Variants in OSBPL6 observed in about 807,000 individuals in gnomAD.
OSBPL6 encodes the protein oxysterol binding protein like 6.
OSBPL6 carries 49 observed loss-of-function variants against 125.8 expected under a neutral mutation model. That is an observed-to-expected ratio of 0.39 (90% confidence interval 0.31 to 0.49). The LOEUF (loss-of-function observed/expected upper bound fraction) is 0.49. Among genes scored for constraint, OSBPL6 ranks in the 20% least tolerant of loss-of-function variants. The pLI, the probability that OSBPL6 is intolerant of heterozygous loss-of-function variation, is 0.88. For missense variants in OSBPL6, 986 were observed against 1,135.4 expected, an observed-to-expected ratio of 0.87 and a Z score of 1.89; for synonymous variants, 394 against 391.8, an observed-to-expected ratio of 1.01 and a Z score of -0.07.
At chr2:178,209,354 T>C (rs1372149519) in intron 1 of OSBPL6, among the ~76,000 whole-genome samples, 1 of 152,036 alleles carries the variant, frequency 6.6e-6, no homozygotes, top group Non-Finnish European at 1.5e-5. Flanking sequence ...CCTTTTCCTC[T>C]TTTTATTTTC....
At position 178,399,332 on chromosome 2, in the gene OSBPL6, G is replaced by A. The variant is rs1052901519; in HGVS notation, c.*3773G>A. On this transcript the variant is annotated 3_prime_UTR_variant, in exon 25 of 25. Coordinates refer to ENST00000190611, the MANE Select transcript of OSBPL6 (RefSeq NM_032523.4). ...TCCAAAGTAGGATTCGGTCCTGTAA[G>A]TCCTAACTGAATTTCTTTTGTAAAA... 6.6e-6 allele frequency: 1 copy of A among 152,144 alleles called. No individual in the cohort carries two copies. The highest frequency in any genetic ancestry group is 2.4e-5 in the African/African-American group (1 of 41,428). 9.4% of individuals were successfully genotyped at this position (152,144 alleles called of 1,614,324 possible).
At chr2:178,283,767 C>G (rs1168606876) in intron 1 of OSBPL6, among the ~76,000 whole-genome samples, 1 of 152,106 alleles carries the variant, frequency 6.6e-6, no homozygotes, top group Non-Finnish European at 1.5e-5. Context: ...TGCTTCCATT[C>G]GTGGCAGAAG....
intron 1 of OSBPL6, among the ~76,000 whole-genome samples, chr2:178,204,126 C>T (rs1338613333): frequency 2.0e-5 from 3 of 150,714 alleles, no homozygotes; most frequent in Non-Finnish European, 2.9e-5. Context: ...TGGGTTCAAG[C>T]GTTTCTCATG....
rs1231729151 is a variant in OSBPL6, at chr2:178,399,770, GT to G, written c.*4214del. The G allele has an allele frequency of 6.6e-6, 1 of 152,104 alleles. No homozygotes were observed. Among genetic ancestry groups the G allele is most frequent in the Non-Finnish European group, 1.5e-5 (1 of 68,030 alleles). 9.4% of individuals were successfully genotyped at this position (152,104 alleles called of 1,614,324 possible). A position where few individuals can be genotyped will look rare whatever the true frequency, so the allele number is the denominator to read the frequency against. ...GTATGTTCTTTTACACTGTGTCATT[GT>G]TTGTAAAATATACAGTATTTATGTA... On this transcript the variant is annotated 3_prime_UTR_variant, in exon 25 of 25. Transcript: ENST00000190611.
intron 1 of OSBPL6, among the ~76,000 whole-genome samples, chr2:178,214,659 C>A (rs188142180): frequency 1.2e-3 from 176 of 152,288 alleles, no homozygotes; most frequent in Non-Finnish European, 4.4e-4. Flanking sequence ...AATACTTTCA[C>A]ATGGAACCAG....
intron 3 of OSBPL6, among the ~76,000 whole-genome samples, chr2:178,310,307 TGTCAGTAGGTCA>T (rs963162682): frequency 2.0e-5 from 3 of 152,096 alleles, no homozygotes; most frequent in South Asian, 4.1e-4. Flanking sequence ...TGATCCTGGA[TGTCAGTAGGTCA>T]GTCAGTAGGT....
At chr2:178,297,078 G>T (rs544893979) in intron 2 of OSBPL6, among the ~76,000 whole-genome samples, 30 of 152,266 alleles carry the variant, frequency 2.0e-4, no homozygotes, top group African/African-American at 5.8e-4. Context: ...TGTTTTGAAA[G>T]AATTAATGCT....
At chr2:178,255,241 T>C (rs2091841925) in intron 1 of OSBPL6, among the ~76,000 whole-genome samples, 1 of 152,198 alleles carries the variant, frequency 6.6e-6, no homozygotes, top group South Asian at 2.1e-4. Flanking sequence ...GAGGCAGAAG[T>C]TGCATCAAGC....
chr2:178,242,560 A>G (rs2091333093), intron 1 of OSBPL6, among the ~76,000 whole-genome samples: 1 of 152,132 alleles, frequency 6.6e-6, no homozygotes, highest in South Asian at 2.1e-4. Flanking sequence ...CTCTTATTTA[A>G]ATTGGTGGAA....
At chr2:178,390,325 C>T (rs1575051845) in intron 21 of OSBPL6, among the ~76,000 whole-genome samples, 2 of 152,200 alleles carry the variant, frequency 1.3e-5, no homozygotes, top group African/African-American at 4.8e-5. Flanking sequence ...TTTCTTCCCA[C>T]CTCTGGCTCT....
chr2:178,249,555 A>G (rs1351329852), intron 1 of OSBPL6, among the ~76,000 whole-genome samples: 2 of 152,116 alleles, frequency 1.3e-5, no homozygotes. Flanking sequence ...TTCTGTTTAG[A>G]GGGAATAATA....
At chr2:178,299,646 A>G (rs1029516538) in intron 2 of OSBPL6, among the ~76,000 whole-genome samples, 7 of 152,220 alleles carry the variant, frequency 4.6e-5, no homozygotes, top group African/African-American at 1.4e-4. Flanking sequence ...TTGCCAAGTC[A>G]TTAAAAATCC....
At chr2:178,245,261 A>AT (rs1482415475) in intron 1 of OSBPL6, among the ~76,000 whole-genome samples, 1 of 152,164 alleles carries the variant, frequency 6.6e-6, no homozygotes, top group African/African-American at 2.4e-5. Flanking sequence ...ACTGTTCTTA[A>AT]TTTTTTAAAA....
intron 15 of OSBPL6, among the ~76,000 whole-genome samples, chr2:178,378,668 C>CA (rs1694117356): frequency 6.6e-6 from 1 of 152,184 alleles, no homozygotes; most frequent in Non-Finnish European, 1.5e-5. Flanking sequence ...GGGCAGAGGA[C>CA]AAACTGTTTG....
intron 1 of OSBPL6, among the ~76,000 whole-genome samples, chr2:178,241,014 T>C (rs2091266646): frequency 6.6e-6 from 1 of 152,172 alleles, no homozygotes; most frequent in Admixed American, 6.5e-5. Context: ...CAATCTTTTT[T>C]TTCTTTTTTT....
intron 15 of OSBPL6, among the ~76,000 whole-genome samples, chr2:178,375,311 C>A (rs145614301): frequency 6.6e-6 from 1 of 152,184 alleles, no homozygotes; most frequent in East Asian, 1.9e-4. Flanking sequence ...CCCCAGGGAC[C>A]ACCATGCTGT....
At chr2:178,276,062 T>C (rs1176766240) in intron 1 of OSBPL6, among the ~76,000 whole-genome samples, 1 of 152,180 alleles carries the variant, frequency 6.6e-6, no homozygotes, top group East Asian at 1.9e-4. Context: ...AAATATAGAT[T>C]AGTAAGCTTT....
chr2:178,313,979 C>T (rs188941930), intron 3 of OSBPL6, among the ~76,000 whole-genome samples: 1 of 152,316 alleles, frequency 6.6e-6, no homozygotes. Context: ...CAACATCTAT[C>T]CTTTATGTGC....
chr2:178,195,038 G>C (rs889787483), intron 1 of OSBPL6, among the ~76,000 whole-genome samples: 13 of 152,006 alleles, frequency 8.6e-5, no homozygotes, highest in African/African-American at 3.1e-4. Context: ...CCCGCAGGCT[G>C]CCTGGGGATT....
Sources: gnomAD v4.1 joint callset for allele counts (sites outside exome capture counted in the v4.1 genomes callset) on GRCh38, gnomAD v4.1.1 for gene constraint, MANE v1.5 for transcripts, NCBI Gene and HGNC (gene_info 2026-07-23, HGNC 2026-07-21) for gene names.